The following C14orf39 variants were observed in gnomAD, a reference collection of about 807,000 sequenced individuals.
C14orf39 encodes chromosome 14 open reading frame 39.
Under a neutral mutation model 85.6 loss-of-function variants are expected in C14orf39, and 66 were observed. The ratio of observed to expected loss-of-function variants is 0.77; its 90% confidence interval spans 0.63 to 0.95. The LOEUF (loss-of-function observed/expected upper bound fraction) is 0.95, where lower values mean the gene tolerates loss of function less well. Among genes scored for constraint, C14orf39 ranks in the 40% least tolerant of loss-of-function variants. The pLI, the probability that C14orf39 is intolerant of heterozygous loss-of-function variation, is 0.00. For missense variants in C14orf39, 735 were observed against 663.9 expected (o/e 1.11, Z -1.18); for synonymous variants, 242 against 214.0 (o/e 1.13, Z -1.14).
chr14:60,514,386 A>G (rs2140192041), intron 1 of C14orf39, among the ~76,000 whole-genome samples: 1 of 152,292 alleles, frequency 6.6e-6, no homozygotes, highest in Non-Finnish European at 1.5e-5. Flanking sequence ...GAGCATTTTT[A>G]TATTAAATAT....
At chr14:60,437,397 C>T (rs964602712) in intron 17 of C14orf39, among the ~76,000 whole-genome samples, 18 of 151,950 alleles carry the variant, frequency 1.2e-4, no homozygotes, top group African/African-American at 4.3e-4. Context: ...GAAATCTATT[C>T]AGCTTAGCAG....
chr14:60,488,418 A>G (rs1276894540), upstream of C14orf39, among the ~76,000 whole-genome samples: 2 of 152,110 alleles, frequency 1.3e-5, no homozygotes, highest in African/African-American at 4.8e-5. Context: ...CTCTCTCCCT[A>G]TTCCCTCTCA....
chr14:60,509,482 G>C, intron 1 of C14orf39: 1 of 1,601,598 alleles, frequency 6.2e-7, no homozygotes, highest in Non-Finnish European at 8.5e-7. Flanking sequence ...GCGATGTGGA[G>C]CGCCTGGGTC....
upstream of C14orf39, chr14:60,486,151 GCGAGATCGCGCTCTGGA>G (rs1892884524): frequency 6.6e-6 from 1 of 152,018 alleles, no homozygotes; most frequent in Non-Finnish European, 1.5e-5. Flanking sequence ...CTGAAGAGCA[GCGAGATCGCGCTCTGGA>G]CGAGACCTGC....
intron 16 of C14orf39, among the ~76,000 whole-genome samples, chr14:60,444,841 C>T (rs111936452): frequency 1.3e-5 from 2 of 152,006 alleles, no homozygotes; most frequent in African/African-American, 4.8e-5. Context: ...ATCAGACCCA[C>T]AATCCCATCA....
At chr14:60,449,220 A>T (rs1890925257) in intron 16 of C14orf39, among the ~76,000 whole-genome samples, 1 of 152,018 alleles carries the variant, frequency 6.6e-6, no homozygotes, top group Admixed American at 6.6e-5. Context: ...ATGTAATCAA[A>T]CCCAATTATT....
At chr14:60,451,705 G>T (rs1189052421) in intron 16 of C14orf39, among the ~76,000 whole-genome samples, 1 of 115,976 alleles carries the variant, frequency 8.6e-6, no homozygotes, top group African/African-American at 3.2e-5. Context: ...GGGGTGGGGG[G>T]AGGGATAGCA....
At chr14:60,508,091 A>G (rs986470477) in intron 1 of C14orf39, among the ~76,000 whole-genome samples, 9 of 152,200 alleles carry the variant, frequency 5.9e-5, no homozygotes, top group African/African-American at 2.2e-4. Flanking sequence ...GCGGCTTAGG[A>G]AGTGCTTTCT....
chr14:60,470,453 T>A (rs1490132715), intron 7 of C14orf39, among the ~76,000 whole-genome samples: 4 of 151,914 alleles, frequency 2.6e-5, no homozygotes, highest in Non-Finnish European at 5.9e-5. Flanking sequence ...TCTATTATTA[T>A]CAAGTTTCCA....
At chr14:60,492,007 C>G (rs933022510) in intron 2 of C14orf39, among the ~76,000 whole-genome samples, 9 of 152,212 alleles carry the variant, frequency 5.9e-5, no homozygotes, top group African/African-American at 1.9e-4. Context: ...CAAGCCATTA[C>G]TAGCTCAACA....
In C14orf39 at chr14:60,461,552, T is replaced by G; in HGVS notation, c.1014A>C (p.Ser338=). ...DSAVDNHSKC[S]HITTITSSQK... ...GTGAACTTGTGATAGTCGTAATATG[T>G]GAACATTTTGAATGGTTATCCACAG... The change falls in exon 12 of 18, where the codon TCA becomes TCC. Residue 338 remains serine (S), a synonymous_variant. Transcript: ENST00000321731. The G allele has an allele frequency of 6.3e-7, 1 of 1,586,036 alleles. No homozygotes were observed. Among genetic ancestry groups the G allele is most frequent in the African/African-American group, 1.4e-5 (1 of 73,438 alleles).
intron 4 of C14orf39, among the ~76,000 whole-genome samples, chr14:60,483,335 A>C (rs948984296): frequency 1.3e-5 from 2 of 152,190 alleles, no homozygotes; most frequent in African/African-American, 4.8e-5. Flanking sequence ...TTAACGTATT[A>C]AATATTTTTA....
intron 5 of C14orf39, among the ~76,000 whole-genome samples, 170 bp downstream of exon 5, chr14:60,478,130 G>A (rs896467323): frequency 7.5e-6 from 1 of 132,466 alleles, no homozygotes; most frequent in Non-Finnish European, 1.5e-5. Context: ...AGTGAGCCAA[G>A]ATCATGCCAC....
At position 60,437,002 on chromosome 14, in the gene C14orf39, G is replaced by T. The variant is rs1207776999; in HGVS notation, c.1607C>A (p.Ser536Tyr). ...ATGAGTTGAAGTGTCTGATGGAAAAGAAAATGTAAAGCCATCTTCTCCTTC... is the reference window on the plus strand; with the variant it reads ...ATGAGTTGAAGTGTCTGATGGAAAATAAAATGTAAAGCCATCTTCTCCTTC... ...KPEGEDGFTF[S>Y]FPSDTSTHTF... is the part of the protein sequence containing the mutation. The change falls in exon 18 of 18, where the codon TCT (serine) becomes TAT (tyrosine). Residue 536 changes from serine (S) to tyrosine (Y), a missense_variant. Physicochemically the swap from Ser to Tyr is moderately radical, Grantham distance 144 (BLOSUM62 -2). Transcript: ENST00000321731. 4 of 1,610,714 alleles carry T rather than the reference G, an allele frequency of 2.5e-6. No homozygotes were observed. Among genetic ancestry groups the T allele is most frequent in the Non-Finnish European group, 3.4e-6 (4 of 1,178,826 alleles).
At chr14:60,449,090 A>T (rs1449823853) in intron 16 of C14orf39, among the ~76,000 whole-genome samples, 2 of 152,178 alleles carry the variant, frequency 1.3e-5, no homozygotes, top group Admixed American at 6.5e-5. Context: ...AATGTAGATG[A>T]CAAGTTGATT....
chr14:60,465,702 G>A (rs563702013), intron 11 of C14orf39, among the ~76,000 whole-genome samples: 3 of 152,038 alleles, frequency 2.0e-5, no homozygotes, highest in South Asian at 2.1e-4. Context: ...GATCTACTAT[G>A]TACAGAGCTT....
Position 60,468,445 on chromosome 14 carries a change from C to T in C14orf39, c.767G>A (p.Arg256Lys). The T allele has an allele frequency of 1.3e-6, 2 of 1,559,214 alleles. No individual in the cohort carries two copies. The highest frequency in any genetic ancestry group is 1.7e-6 in the Non-Finnish European group (2 of 1,145,572). Reference sequence around the variant, plus strand: ...ATTTAATTTTAAAGGTTACCTATACCTTTCTTTCAGTTCTTTTCTGTTTTC... The same window carrying T: ...ATTTAATTTTAAAGGTTACCTATACTTTTCTTTCAGTTCTTTTCTGTTTTC... ...NTENRKELKE[R>K]IFGKDEHVLT... The change falls in exon 9 of 18, where the codon AGA becomes AAA. Residue 256 changes from arginine to lysine, a missense_variant and splice_region_variant. By Grantham distance (26) the Arg-to-Lys change is conservative. Transcript: ENST00000321731.
intron 15 of C14orf39, among the ~76,000 whole-genome samples, chr14:60,456,670 G>A (rs1400879834): frequency 6.6e-6 from 1 of 152,006 alleles, no homozygotes; most frequent in African/African-American, 2.4e-5. Context: ...CAGGAAAAAT[G>A]GGGAAGAGGG....
intron 2 of C14orf39, among the ~76,000 whole-genome samples, chr14:60,497,378 G>A (rs1893082676): frequency 2.0e-5 from 1 of 50,970 alleles, no homozygotes; most frequent in Non-Finnish European, 5.3e-5. Context: ...GTCTCCATGA[G>A]TACAGGCCCA....
Sources: gnomAD v4.1 joint callset for allele counts (sites outside exome capture counted in the v4.1 genomes callset) on GRCh38, gnomAD v4.1.1 for gene constraint, MANE v1.5 for transcripts, NCBI Gene and HGNC (gene_info 2026-07-23, HGNC 2026-07-21) for gene names.